Variants in SHANK2 observed in about 807,000 individuals in gnomAD.
The protein encoded by SHANK2 is SH3 and multiple ankyrin repeat domains protein 2.
Under a neutral mutation model 133.7 loss-of-function variants are expected in SHANK2, and 43 were observed. The observed-to-expected ratio is 0.32, with a 90% CI of 0.25 to 0.41. SHANK2 has a LOEUF of 0.41. Ranked by LOEUF, SHANK2 falls within the 10% of genes least tolerant of loss-of-function variation. The pLI, the probability that SHANK2 is intolerant of heterozygous loss-of-function variation, is 1.00. For missense variants in SHANK2, 1,994 were observed against 2,235.8 expected, an observed-to-expected ratio of 0.89 and a Z score of 2.18; for synonymous variants, 1,017 against 952.8, an observed-to-expected ratio of 1.07 and a Z score of -1.24.
chr11:71,236,976 C>T (rs1954833114), intron 1 of SHANK2, among the ~76,000 whole-genome samples: 2 of 152,182 alleles, frequency 1.3e-5, no homozygotes, highest in Admixed American at 1.3e-4. Context: ...GACTGCGCTG[C>T]GGGCCTGGGA....
chr11:70,921,876 CA>C (rs782436685), intron 10 of SHANK2, among the ~76,000 whole-genome samples: 9 of 152,202 alleles, frequency 5.9e-5, no homozygotes, highest in Non-Finnish European at 1.3e-4. Flanking sequence ...CAATGCCTGA[CA>C]TTCTATAAAC....
chr11:70,685,291 G>C (rs941321581), intron 15 of SHANK2, among the ~76,000 whole-genome samples: 1 of 152,140 alleles, frequency 6.6e-6, no homozygotes, highest in African/African-American at 2.4e-5. Flanking sequence ...CCAGAAAAGA[G>C]CTGCCATCTT....
At chr11:71,067,142 C>T (rs1038064369) in intron 9 of SHANK2, among the ~76,000 whole-genome samples, 13 of 152,290 alleles carry the variant, frequency 8.5e-5, no homozygotes, top group Admixed American at 7.2e-4. Flanking sequence ...GCGAGACCCA[C>T]ACCCACAACG....
chr11:71,184,412 C>T lies in SHANK2; in HGVS notation c.-12-37074G>A, dbSNP rs546962082. 5.9e-5 allele frequency among the ~76,000 whole-genome samples: 9 copies of T among 152,300 alleles called. No homozygotes were observed. In the South Asian group the frequency reaches 6.2e-4, roughly 11 times the overall value. On this transcript the variant is annotated intron_variant, in intron 2 of 25. Transcript: ENST00000601538. ...TCGCGTCCATCACTTGAAACAATGT[C>T]GCTGGCTTCATGGGGCCCTTGATTC...
chr11:70,902,194 T>C (rs1555076919), intron 10 of SHANK2, among the ~76,000 whole-genome samples: 1 of 152,202 alleles, frequency 6.6e-6, no homozygotes, highest in South Asian at 2.1e-4. Context: ...CACTGGGCAT[T>C]TGTATGAGAC....
At chr11:70,556,432 T>A (rs2059831738) in intron 17 of SHANK2, among the ~76,000 whole-genome samples, 1 of 151,832 alleles carries the variant, frequency 6.6e-6, no homozygotes, top group South Asian at 2.1e-4. Context: ...TAGCTTTCCT[T>A]TATTTTTTTG....
intron 14 of SHANK2, among the ~76,000 whole-genome samples, chr11:70,706,240 A>G (rs1333534310): frequency 6.6e-6 from 1 of 152,188 alleles, no homozygotes; most frequent in African/African-American, 2.4e-5. Context: ...TTCCTTCCCC[A>G]GCTCACATTT....
intron 10 of SHANK2, among the ~76,000 whole-genome samples, chr11:70,907,245 C>T (rs1950118711): frequency 1.3e-5 from 2 of 152,198 alleles, no homozygotes; most frequent in African/African-American, 4.8e-5. Flanking sequence ...GTCTCGTCTG[C>T]CAGTATCCCC....
intron 2 of SHANK2, among the ~76,000 whole-genome samples, chr11:71,155,942 C>T (rs1307434665): frequency 2.6e-4 from 39 of 152,216 alleles, no homozygotes; most frequent in African/African-American, 8.9e-4. Context: ...TAAGGTTCCA[C>T]AAGGTCTTAC....
At chr11:71,073,003 C>T (rs1402518143) in intron 9 of SHANK2, among the ~76,000 whole-genome samples, 1 of 151,948 alleles carries the variant, frequency 6.6e-6, no homozygotes, top group African/African-American at 2.4e-5. Context: ...GTACTTAATG[C>T]CACCGAACTG....
chr11:70,732,150 C>T (rs1946302840), intron 14 of SHANK2, among the ~76,000 whole-genome samples: 1 of 152,124 alleles, frequency 6.6e-6, no homozygotes, highest in Non-Finnish European at 1.5e-5. Flanking sequence ...TGACACACTA[C>T]AGGCTGCTCA....
chr11:70,875,111 G>A (rs1555070937), intron 11 of SHANK2, among the ~76,000 whole-genome samples: 1 of 152,136 alleles, frequency 6.6e-6, no homozygotes, highest in Non-Finnish European at 1.5e-5. Flanking sequence ...CAACGATTGG[G>A]GGAAGGAGTA....
chr11:71,189,872 G>C (rs887415726), intron 2 of SHANK2, among the ~76,000 whole-genome samples: 1 of 152,246 alleles, frequency 6.6e-6, no homozygotes, highest in African/African-American at 2.4e-5. Context: ...AAGCTCTTCT[G>C]CCAGCCTGGC....
At chr11:70,867,520 A>G (rs1949385877) in intron 11 of SHANK2, among the ~76,000 whole-genome samples, 1 of 152,222 alleles carries the variant, frequency 6.6e-6, no homozygotes, top group Non-Finnish European at 1.5e-5. Flanking sequence ...AAGCTGCCTG[A>G]GCCAGGGATG....
chr11:70,727,308 A>G lies in SHANK2; in HGVS notation c.1778-28545T>C, dbSNP rs1946198016. ...TATTACTATTAGAATAACCTGGAAG[A>G]CAAAATGTGGGAGGTTGGCCAATAC... On this transcript the variant is annotated intron_variant, in intron 14 of 25. Transcript: ENST00000601538. 2.6e-5 allele frequency among the ~76,000 whole-genome samples: 4 copies of G among 152,374 alleles called. No homozygotes were observed. The South Asian group carries it at 8.3e-4, about 32-fold the overall frequency.
At chr11:70,538,940 G>A (rs1452015152) in intron 17 of SHANK2, among the ~76,000 whole-genome samples, 6 of 152,214 alleles carry the variant, frequency 3.9e-5, no homozygotes, top group Admixed American at 6.5e-5. Flanking sequence ...AGAAGAGGAC[G>A]TGGGCTAGGA....
chr11:70,816,375 T>A (rs1948397425), intron 12 of SHANK2, among the ~76,000 whole-genome samples: 1 of 152,218 alleles, frequency 6.6e-6, no homozygotes, highest in African/African-American at 2.4e-5. Context: ...TTGCTCAGCA[T>A]GGGCTGATGG....
intron 3 of SHANK2, among the ~76,000 whole-genome samples, chr11:71,129,187 T>A (rs1447625759): frequency 6.6e-6 from 1 of 152,194 alleles, no homozygotes; most frequent in East Asian, 1.9e-4. Context: ...CTGGGTAGTA[T>A]CATCCAACAG....
intron 17 of SHANK2, among the ~76,000 whole-genome samples, chr11:70,589,820 T>A (rs1266361421): frequency 6.6e-6 from 1 of 151,940 alleles, no homozygotes; most frequent in Non-Finnish European, 1.5e-5. Context: ...GGGGAAGAGG[T>A]CACTGCAGAT....
Sources: gnomAD v4.1 joint callset for allele counts (sites outside exome capture counted in the v4.1 genomes callset) on GRCh38, gnomAD v4.1.1 for gene constraint, MANE v1.5 for transcripts, NCBI Gene and HGNC (gene_info 2026-07-23, HGNC 2026-07-21) for gene names.